SLFN5: variants seen among roughly 807,000 people sequenced by gnomAD.
SLFN5 encodes schlafen family member 5.
Under a neutral mutation model 48.5 loss-of-function variants are expected in SLFN5, and 34 were observed. The ratio of observed to expected loss-of-function variants is 0.70; its 90% CI spans 0.53 to 0.93. SLFN5 has a LOEUF of 0.93. SLFN5 is among the 40% of genes least tolerant of loss of function. The pLI, the probability that SLFN5 is intolerant of heterozygous loss-of-function variation, is 0.00. For missense variants in SLFN5, 1,006 were observed against 1,071.3 expected, an observed-to-expected ratio of 0.94 and a Z score of 0.85; for synonymous variants, 387 against 396.2, an observed-to-expected ratio of 0.98 and a Z score of 0.28.
intron 3 of SLFN5, among the ~76,000 whole-genome samples, chr17:35,261,820 C>T (rs1470165832): frequency 2.0e-5 from 3 of 151,680 alleles, no homozygotes; most frequent in South Asian, 4.2e-4. Context: ...GAATTAGAGG[C>T]GCATGCCACC....
rs557936648 is a variant in SLFN5, at chr17:35,252,851, C to A, written c.-40-5800C>A. Among the ~76,000 whole-genome samples the A allele has an allele frequency of 2.0e-5, 3 of 152,108 alleles. No homozygotes were observed. In the South Asian group the frequency reaches 6.2e-4, roughly 32 times the overall value. On this transcript the variant is annotated intron_variant, in intron 1 of 4. Coordinates refer to ENST00000299977, the MANE Select transcript of SLFN5 (RefSeq NM_144975.4). ...GTAAGGAAACCAATGGCCTCAGCCT[C>A]TCCCACTTCTGCTTGCCAGGAGCCT...
chr17:35,259,854 T>G (rs1236400155), intron 2 of SLFN5, 152 bp downstream of exon 2: 1 of 888,076 alleles, frequency 1.1e-6, no homozygotes, highest in Non-Finnish European at 1.7e-6. Flanking sequence ...TCCCTGTAGA[T>G]GTAGTTCGTG....
intron 4 of SLFN5, 55 bp downstream of exon 4, chr17:35,264,958 G>A: frequency 2.0e-6 from 3 of 1,535,614 alleles, no homozygotes; most frequent in Non-Finnish European, 2.6e-6. Context: ...GGCTGGTGTG[G>A]CTTTCAGTTT....
In SLFN5 at chr17:35,264,614, C is replaced by G; in HGVS notation, c.1570C>G (p.Gln524Glu). The change falls in exon 4 of 5, where the codon CAG (glutamine) becomes GAG (glutamate). Residue 524 changes from glutamine to glutamate, a missense_variant. Physicochemically the swap from Gln to Glu is conservative, Grantham distance 29. Coordinates refer to ENST00000299977, the MANE Select transcript of SLFN5 (RefSeq NM_144975.4). ...YPESYNFMTP[Q>E]HMEALLQSLV... ...TGAATCCTATAACTTCATGACCCCC[C>G]AGCACATGGAAGCCCTGTTACAGTC... 1 of 1,614,200 alleles carries G rather than the reference C, an allele frequency of 6.2e-7. No homozygotes were observed. The highest frequency in any genetic ancestry group is 8.5e-7 in the Non-Finnish European group (1 of 1,180,042).
intron 3 of SLFN5, among the ~76,000 whole-genome samples, chr17:35,263,428 G>A (rs1904578104): frequency 6.6e-6 from 1 of 152,120 alleles, no homozygotes; most frequent in Non-Finnish European, 1.5e-5. Flanking sequence ...ACCACGCCCG[G>A]CTTCCTTGCT....
At chr17:35,260,601 C>G (rs1904492881) in intron 2 of SLFN5, among the ~76,000 whole-genome samples, 1 of 152,054 alleles carries the variant, frequency 6.6e-6, no homozygotes, top group Admixed American at 6.6e-5. Context: ...TGACGCACGC[C>G]TGTAATCCCA....
intron 1 of SLFN5, among the ~76,000 whole-genome samples, chr17:35,252,405 A>G (rs889347941): frequency 5.9e-5 from 9 of 152,190 alleles, no homozygotes; most frequent in Non-Finnish European, 1.3e-4. Context: ...CCTGGGTGAC[A>G]GAGTGAAAAG....
chr17:35,264,585 A>G lies in SLFN5; in HGVS notation c.1541A>G (p.Tyr514Cys), dbSNP rs755675204. 6.2e-6 allele frequency: 10 copies of G among 1,614,060 alleles called. No homozygotes were observed. The South Asian group carries it at 7.7e-5, about 12-fold the overall frequency. ...QSVYSSYLQI[Y>C]PESYNFMTPQ... ...GTTTACAGTTCGTATTTACAAATTT[A>G]CCCTGAATCCTATAACTTCATGACC... The change falls in exon 4 of 5, where the codon TAC (tyrosine) becomes TGC (cysteine). Residue 514 changes from tyrosine to cysteine, a missense_variant. Tyr to Cys is a radical substitution (Grantham distance 194). Transcript: ENST00000299977.
intron 1 of SLFN5, among the ~76,000 whole-genome samples, chr17:35,256,555 T>C (rs1015220524): frequency 3.3e-5 from 5 of 152,180 alleles, no homozygotes; most frequent in Non-Finnish European, 7.4e-5. Flanking sequence ...AGTTTGGTTC[T>C]TTTACACCTG....
At position 35,259,458 on chromosome 17, in the gene SLFN5, T is replaced by A. The variant is rs1431858605; in HGVS notation, c.768T>A (p.Asp256Glu). ...TTACGAGCTTGAGGGCTTCTATTGA[T>A]GGCTGTATTAAGAAGCTACCTGTCC... ...IDLTSLRASI[D>E]GCIKKLPVHH... The change falls in exon 2 of 5, where the codon GAT becomes GAA. Residue 256 changes from aspartate (D) to glutamate (E), a missense_variant. Physicochemically the swap from Asp to Glu is conservative, Grantham distance 45 (BLOSUM62 2). Transcript: ENST00000299977. 6.2e-7 allele frequency: 1 copy of A among 1,614,228 alleles called. No individual in the cohort carries two copies. Among genetic ancestry groups the A allele is most frequent in the South Asian group, 1.1e-5 (1 of 91,080 alleles).
In SLFN5 at chr17:35,267,207, A is replaced by T. The variant is rs538755584; in HGVS notation, c.*1319A>T. The T allele has an allele frequency of 2.6e-5, 4 of 152,364 alleles. 1 individual carries two copies. Among genetic ancestry groups the T allele is most frequent in the African/African-American group, 9.6e-5 (4 of 41,590 alleles). The allele number at this position is 152,364 out of a possible 1,614,324, so 9.4% of individuals were successfully genotyped here. A position where few individuals can be genotyped will look rare whatever the true frequency, so the allele number is the denominator to read the frequency against. On this transcript the variant is annotated 3_prime_UTR_variant, in exon 5 of 5. Transcript: ENST00000299977. ...GTAGAGACACATTTAAGATAAAATG[A>T]TTAATAAAACAATTGGTAATTCTGA...
rs751719888 is a variant in SLFN5, at chr17:35,258,746, G to GA, written c.60dup (p.Val21SerfsTer21). ...TTTCCTGAGTGTGTTGTAGATGCAG[G>GA]AAAAGTCACCCTTGGGACTCAGCAG... On this transcript the variant is annotated frameshift_variant, in exon 2 of 5. Coordinates refer to ENST00000299977, the MANE Select transcript of SLFN5 (RefSeq NM_144975.4). LOFTEE classifies it high-confidence loss of function. 2.3e-5 allele frequency: 37 copies of GA among 1,613,984 alleles called. No homozygotes were observed. Among genetic ancestry groups the GA allele is most frequent in the Non-Finnish European group, 2.6e-5 (31 of 1,180,042 alleles).
At position 35,269,203 on chromosome 17, in the gene SLFN5, G is replaced by A. The variant is rs1384158797; in HGVS notation, c.*3315G>A. ...ATTCTAGTACAAAGGCAGCACATGG[G>A]TATTTTTGAACATAAAAGAGTTCTA... On this transcript the variant is annotated 3_prime_UTR_variant, in exon 5 of 5. Transcript: ENST00000299977. The A allele has an allele frequency of 6.6e-6, 1 of 152,076 alleles. No individual in the cohort carries two copies. Among genetic ancestry groups the A allele is most frequent in the Admixed American group, 6.5e-5 (1 of 15,268 alleles). 9.4% of individuals were successfully genotyped at this position (152,076 alleles called of 1,614,324 possible). A position where few individuals can be genotyped will look rare whatever the true frequency, so the allele number is the denominator to read the frequency against.
chr17:35,268,069 T>C lies in SLFN5; in HGVS notation c.*2181T>C, dbSNP rs1904746248. On this transcript the variant is annotated 3_prime_UTR_variant, in exon 5 of 5. Coordinates refer to ENST00000299977, the MANE Select transcript of SLFN5 (RefSeq NM_144975.4). ...TGGAATTCAGTGGATTTAATGGAAG[T>C]TCCTAGGCAACAATAAAGAGTAGAA... The C allele has an allele frequency of 6.6e-6, 1 of 152,136 alleles. No individual in the cohort carries two copies. Among genetic ancestry groups the C allele is most frequent in the Admixed American group, 6.5e-5 (1 of 15,272 alleles). 9.4% of individuals were successfully genotyped at this position (152,136 alleles called of 1,614,324 possible).
At position 35,265,627 on chromosome 17, in the gene SLFN5, C is replaced by G; in HGVS notation, c.2415C>G (p.Asp805Glu). ...CAAGTGAAGTGGAAAAATATAAAGA[C>G]AGGCTTCTAACAGCAATGAGGAAGA... is the stretch of plus-strand genomic sequence containing the variant. ...TKASEVEKYKDRLLTAMRKRK... is the reference protein window; with the variant it reads ...TKASEVEKYKERLLTAMRKRK... Residue 805 changes from aspartate (D) to glutamate (E), a missense_variant, in exon 5 of 5, where the codon GAC (aspartate) becomes GAG (glutamate). Transcript: ENST00000299977. 6.2e-7 allele frequency: 1 copy of G among 1,614,180 alleles called. No individual in the cohort carries two copies. The highest frequency in any genetic ancestry group is 8.5e-7 in the Non-Finnish European group (1 of 1,180,028).
At chr17:35,256,849 C>G (rs12603702) in intron 1 of SLFN5, among the ~76,000 whole-genome samples, 87,511 of 151,894 alleles carry the variant, frequency 0.58, 25,601 homozygotes, top group Middle Eastern at 0.75. Context: ...CCCCCTGGCC[C>G]TGGACCAGTA....
At position 35,266,708 on chromosome 17, in the gene SLFN5, A is replaced by C. The variant is rs1899149362; in HGVS notation, c.*820A>C. On this transcript the variant is annotated 3_prime_UTR_variant, in exon 5 of 5. Coordinates refer to ENST00000299977, the MANE Select transcript of SLFN5 (RefSeq NM_144975.4). ...AGATGATAGAGAGCCTAGGGGGATG[A>C]GTCTATTGGACTCAAAGGTTACATT... The C allele has an allele frequency of 6.6e-6, 1 of 152,184 alleles. No homozygotes were observed. The highest frequency in any genetic ancestry group is 2.4e-5 in the African/African-American group (1 of 41,418). The allele number at this position is 152,184 out of a possible 1,614,324, so 9.4% of individuals were successfully genotyped here.
intron 3 of SLFN5, among the ~76,000 whole-genome samples, chr17:35,263,292 G>A (rs1000716162): frequency 1.3e-5 from 2 of 151,822 alleles, no homozygotes; most frequent in African/African-American, 2.4e-5. Context: ...CACCATGCCC[G>A]GCTAAGTTTT....
At chr17:35,256,215 C>T (rs1270570096) in intron 1 of SLFN5, among the ~76,000 whole-genome samples, 4 of 152,026 alleles carry the variant, frequency 2.6e-5, no homozygotes, top group Non-Finnish European at 5.9e-5. Context: ...AAAAATTAGC[C>T]GGGAATGGTG....
Sources: gnomAD v4.1 joint callset for allele counts (sites outside exome capture counted in the v4.1 genomes callset) on GRCh38, gnomAD v4.1.1 for gene constraint, MANE v1.5 for transcripts, NCBI Gene and HGNC (gene_info 2026-07-23, HGNC 2026-07-21) for gene names.